CUX1: variants seen among roughly 807,000 people sequenced by gnomAD.
The protein encoded by CUX1 is protein CASP.
Under a neutral mutation model 158.8 loss-of-function variants are expected in CUX1, and 31 were observed. That is an observed-to-expected ratio of 0.20 (90% CI 0.15 to 0.26). The LOEUF (loss-of-function observed/expected upper bound fraction) is 0.26, where lower values mean the gene tolerates loss of function less well. Ranked by LOEUF, CUX1 falls within the 10% of genes least tolerant of loss-of-function variation. The probability of loss-of-function intolerance (pLI) is 1.00; values close to 1 mark genes in which losing one functional copy is unlikely to be tolerated. For synonymous variants in CUX1, 879 were observed against 862.1 expected (o/e 1.02, Z -0.34); for missense variants, 1,589 against 2,014.6 (o/e 0.79, Z 4.04).
intron 1 of CUX1, among the ~76,000 whole-genome samples, chr7:101,818,031 T>G (rs1041084190): frequency 2.0e-5 from 3 of 152,346 alleles, no homozygotes; most frequent in Admixed American, 2.0e-4. Context: ...TGCTCTTGCC[T>G]ACTAAGAACG....
rs565329437 is a variant in CUX1 at position 102,204,420 on chromosome 7, C to T, written c.2937C>T (p.Ser979=). The change falls in exon 19 of 24, where the codon AGC becomes AGT. Residue 979 remains serine (S), a synonymous_variant. Transcript: ENST00000292535. Reference sequence around the variant, plus strand: ...TGGGCCTGTCCCAGGGCAGCGTCAGCGACATGCTGTCCCGACCGAAGCCAT... The same window carrying T: ...TGGGCCTGTCCCAGGGCAGCGTCAGTGACATGCTGTCCCGACCGAAGCCAT... The part of the protein sequence containing the change: ...KVLGLSQGSV[S]DMLSRPKPWS... 1.2e-5 allele frequency: 20 copies of T among 1,613,612 alleles called. No homozygotes were observed. The highest frequency in any genetic ancestry group is 5.3e-5 in the African/African-American group (4 of 75,070).
chr7:102,206,663 G>A (rs1022684631), intron 20 of CUX1, among the ~76,000 whole-genome samples: 11 of 152,140 alleles, frequency 7.2e-5, no homozygotes, highest in Admixed American at 5.2e-4. Flanking sequence ...TTGGGAGGCC[G>A]AGGTGGGTGC....
At chr7:102,164,276 G>C (rs1444851935) in intron 9 of CUX1, among the ~76,000 whole-genome samples, 2 of 152,208 alleles carry the variant, frequency 1.3e-5, no homozygotes, top group Admixed American at 6.5e-5. Context: ...TCTCGCCTTG[G>C]CCTACCAAAG....
At position 102,249,657 on chromosome 7, in the gene CUX1, T is replaced by C. The variant is rs1801272103; in HGVS notation, c.*615T>C. On this transcript the variant is annotated 3_prime_UTR_variant, in exon 24 of 24. Transcript: ENST00000292535. The stretch of plus-strand genomic sequence containing the variant: ...TCAGAGCGATAATACACTATTATCT[T>C]CTTAAACCAGGAAAAAATAAAAGGG... The C allele has an allele frequency of 2.1e-6, 2 of 974,172 alleles. No homozygotes were observed. Among genetic ancestry groups the C allele is most frequent in the Non-Finnish European group, 2.4e-6 (2 of 821,114 alleles). The allele number at this position is 974,172 out of a possible 1,614,324, so 60.3% of individuals were successfully genotyped here.
intron 1 of CUX1, among the ~76,000 whole-genome samples, chr7:101,821,665 TTTTTTC>T (rs1184193010): frequency 1.2e-4 from 13 of 112,096 alleles, no homozygotes; most frequent in African/African-American, 2.2e-4. Context: ...TCTTTTTTTC[TTTTTTC>T]TTTTTTTTTT....
At chr7:102,070,535 T>G in intron 4 of CUX1, 118 bp downstream of exon 4, 2 of 707,222 alleles carry the variant, frequency 2.8e-6, no homozygotes, top group South Asian at 1.7e-5. Context: ...CAGTGGCAAC[T>G]TCCCCCCAAG....
intron 14 of CUX1, among the ~76,000 whole-genome samples, chr7:102,265,215 G>A (rs1040525494): frequency 6.6e-6 from 1 of 151,996 alleles, no homozygotes; most frequent in Non-Finnish European, 1.5e-5. Flanking sequence ...AATTAGCCGG[G>A]CATGGTAGCG....
At chr7:101,904,162 T>C (rs1202030654) in intron 1 of CUX1, among the ~76,000 whole-genome samples, 1 of 149,612 alleles carries the variant, frequency 6.7e-6, no homozygotes, top group East Asian at 2.0e-4. Flanking sequence ...TAGCTGGACA[T>C]GGTGGCACGC....
chr7:101,943,794 G>A (rs142260438), intron 2 of CUX1, among the ~76,000 whole-genome samples: 9 of 151,954 alleles, frequency 5.9e-5, no homozygotes, highest in Non-Finnish European at 1.0e-4. Context: ...CACACTACCT[G>A]CCACTTAGCC....
At chr7:101,983,329 A>G (rs1054130632) in intron 2 of CUX1, among the ~76,000 whole-genome samples, 3 of 152,190 alleles carry the variant, frequency 2.0e-5, no homozygotes, top group African/African-American at 7.2e-5. Flanking sequence ...ACCTCAGCCC[A>G]GGTGTGGTCT....
intron 2 of CUX1, among the ~76,000 whole-genome samples, chr7:101,978,961 A>C (rs1457731611): frequency 2.0e-5 from 3 of 152,190 alleles, no homozygotes; most frequent in Non-Finnish European, 4.4e-5. Flanking sequence ...ACATCTGTTG[A>C]TGGGCTGGCT....
chr7:102,062,585 A>T lies in CUX1; in HGVS notation c.190-7754A>T, dbSNP rs574852864. Among the ~76,000 whole-genome samples the T allele has an allele frequency of 2.1e-4, 32 of 152,290 alleles. No individual in the cohort carries two copies. The South Asian group carries it at 3.7e-3, about 18-fold the overall frequency. On this transcript the variant is annotated intron_variant, in intron 3 of 23. Coordinates refer to ENST00000292535, the MANE Select transcript of CUX1 (RefSeq NM_181552.4). ...GAGTGCAGTGGTGCAATCATAGCTC[A>T]TTGGAGCCTTGACCTCCTGAGCTCA... is the stretch of plus-strand genomic sequence containing the variant.
chr7:101,861,346 C>T (rs558901057), intron 1 of CUX1, among the ~76,000 whole-genome samples: 1 of 152,328 alleles, frequency 6.6e-6, no homozygotes, highest in East Asian at 1.9e-4. Flanking sequence ...AGAACAGAGT[C>T]TACTAAGTGG....
chr7:101,983,948 C>T (rs1303365930), intron 2 of CUX1, among the ~76,000 whole-genome samples: 4 of 150,736 alleles, frequency 2.7e-5, no homozygotes, highest in African/African-American at 7.3e-5. Flanking sequence ...GCAGGAAAAT[C>T]GCTTGAACCC....
intron 8 of CUX1, among the ~76,000 whole-genome samples, chr7:102,126,077 G>A (rs1372129206): frequency 4.0e-5 from 6 of 151,816 alleles, no homozygotes; most frequent in African/African-American, 1.5e-4. Context: ...ACAGTGGTGC[G>A]ATCTCAGCTC....
intron 1 of CUX1, among the ~76,000 whole-genome samples, chr7:101,872,170 G>C (rs902277594): frequency 2.0e-5 from 3 of 152,130 alleles, no homozygotes; most frequent in African/African-American, 7.2e-5. Context: ...GTCTCTCTCT[G>C]TTGCCCAGTT....
intron 20 of CUX1, among the ~76,000 whole-genome samples, chr7:102,207,454 T>A (rs1328905983): frequency 1.3e-5 from 2 of 151,804 alleles, no homozygotes; most frequent in African/African-American, 4.8e-5. Context: ...CAGGAAAAAA[T>A]ATTTTTTTTT....
At position 102,004,835 on chromosome 7, in the gene CUX1, G is replaced by A. The variant is rs377451898; in HGVS notation, c.142-23263G>A. Among the ~76,000 whole-genome samples, 32 of 152,186 alleles carry A rather than the reference G, an allele frequency of 2.1e-4. 1 individual carries two copies. The East Asian group carries it at 2.1e-3, about 10-fold the overall frequency. Reference sequence around the variant, plus strand: ...AAGGGAATTGATCAGGGGTCCACACGCTTTCTCTAAAAGAGCCTGGTGCTA... The same window carrying A: ...AAGGGAATTGATCAGGGGTCCACACACTTTCTCTAAAAGAGCCTGGTGCTA... On this transcript the variant is annotated intron_variant, in intron 2 of 23. Transcript: ENST00000292535.
intron 3 of CUX1, among the ~76,000 whole-genome samples, chr7:102,061,554 C>T (rs1585478034): frequency 6.6e-6 from 1 of 152,238 alleles, no homozygotes; most frequent in East Asian, 1.9e-4. Context: ...AAAACTGAGG[C>T]CCAGAGAGGT....
Sources: gnomAD v4.1 joint callset for allele counts (sites outside exome capture counted in the v4.1 genomes callset) on GRCh38, gnomAD v4.1.1 for gene constraint, MANE v1.5 for transcripts, NCBI Gene and HGNC (gene_info 2026-07-23, HGNC 2026-07-21) for gene names.